The following SYPL2 variants were observed in gnomAD, a reference collection of about 807,000 sequenced individuals.
SYPL2 encodes synaptophysin-like protein 2.
In SYPL2, 24 loss-of-function variants were observed where a neutral mutation model predicts 31.3. The observed-to-expected ratio is 0.77, with a 90% CI of 0.56 to 1.08. The LOEUF is 1.08. SYPL2 is among the 50% of genes least tolerant of loss of function. The pLI is 0.00. For synonymous variants in SYPL2, 144 were observed against 143.1 expected (o/e 1.01, Z -0.05); for missense variants, 342 against 360.1 (o/e 0.95, Z 0.41).
chr1:109,470,522 T>G (rs993512808), intron 2 of SYPL2, among the ~76,000 whole-genome samples: 1 of 152,210 alleles, frequency 6.6e-6, no homozygotes, highest in Non-Finnish European at 1.5e-5. Context: ...TGACCGTCGC[T>G]GTCCCAGCAA....
Position 109,466,589 on chromosome 1 carries a change from T to G in SYPL2, c.-255T>G, listed in dbSNP as rs1655640408. On this transcript the variant is annotated 5_prime_UTR_variant, in exon 1 of 6. Transcript: ENST00000369872. The stretch of plus-strand genomic sequence containing the variant: ...GCTGCGAGTTTGACAGAAGTTTGAA[T>G]CCGAGTCGGGGGCTTTCTGCTGCCG... 2.5e-6 allele frequency: 1 copy of G among 400,400 alleles called. No individual in the cohort carries two copies. The highest frequency in any genetic ancestry group is 2.1e-5 in the African/African-American group (1 of 47,400). 24.8% of individuals were successfully genotyped at this position (400,400 alleles called of 1,614,324 possible).
intron 2 of SYPL2, among the ~76,000 whole-genome samples, chr1:109,473,914 G>A (rs1655912770): frequency 6.6e-6 from 1 of 150,512 alleles, no homozygotes; most frequent in South Asian, 2.1e-4. Context: ...AAAAAGATGA[G>A]GAAACAGACT....
intron 2 of SYPL2, among the ~76,000 whole-genome samples, chr1:109,469,827 CAAAAAAAAAAAAA>C (rs10533137): frequency 2.8e-4 from 22 of 79,190 alleles, no homozygotes; most frequent in African/African-American, 8.9e-4. Flanking sequence ...GACCTTGTCT[CAAAAAAAAAAAAA>C]AAAAAAAAAA....
rs371487864 is a variant in SYPL2, at chr1:109,476,866, C to T, written c.345C>T (p.Ala115=). 1.9e-5 allele frequency: 31 copies of T among 1,614,204 alleles called. No individual in the cohort carries two copies. In the African/African-American group the frequency reaches 2.7e-4, roughly 14 times the overall value. The change falls in exon 4 of 6, where the codon GCC becomes GCT. Residue 115 remains alanine, a synonymous_variant. Transcript: ENST00000369872. Reference sequence around the variant, plus strand: ...TCATGGGGGACTTCTCTGCACCCGCCGAGTTCTTCGTGACCCTTGGCATCT... The same window carrying T: ...TCATGGGGGACTTCTCTGCACCCGCTGAGTTCTTCGTGACCCTTGGCATCT... The part of the protein sequence containing the change: ...MHLMGDFSAP[A]EFFVTLGIFS...
chr1:109,466,677 C>T lies in SYPL2; in HGVS notation c.-167C>T, dbSNP rs757552348. 243 of 627,168 alleles carry T rather than the reference C, an allele frequency of 3.9e-4. No homozygotes were observed. Among genetic ancestry groups the T allele is most frequent in the Non-Finnish European group, 5.5e-4 (234 of 424,678 alleles). 38.9% of individuals were successfully genotyped at this position (627,168 alleles called of 1,614,324 possible). A position where few individuals can be genotyped will look rare whatever the true frequency, so the allele number is the denominator to read the frequency against. The stretch of plus-strand genomic sequence containing the variant: ...AACAGCAGCGCCCCCGCGTCCCAGC[C>T]AGCCAGCCAGCCAGACTGGACTCCG... On this transcript the variant is annotated 5_prime_UTR_variant, in exon 1 of 6. Coordinates refer to ENST00000369872, the MANE Select transcript of SYPL2 (RefSeq NM_001040709.2).
At chr1:109,467,990 C>T (rs1052364295) in intron 2 of SYPL2, among the ~76,000 whole-genome samples, 3 of 152,290 alleles carry the variant, frequency 2.0e-5, no homozygotes, top group African/African-American at 7.2e-5. Context: ...GTTAGACTTA[C>T]TTTGTGACCT....
In SYPL2 at chr1:109,466,812, A is replaced by ACGCCC; in HGVS notation, c.-31_-30insGCCCC. The ACGCCC allele has an allele frequency of 6.6e-7, 1 of 1,508,584 alleles. No individual in the cohort carries two copies. The highest frequency in any genetic ancestry group is 8.8e-7 in the Non-Finnish European group (1 of 1,136,250). The allele number at this position is 1,508,584 out of a possible 1,614,324, so 93.4% of individuals were successfully genotyped here. A position where few individuals can be genotyped will look rare whatever the true frequency, so the allele number is the denominator to read the frequency against. On this transcript the variant is annotated 5_prime_UTR_variant, in exon 1 of 6. Coordinates refer to ENST00000369872, the MANE Select transcript of SYPL2 (RefSeq NM_001040709.2). ...CGCCTCCCGGCCAGAGAGCCAAGCC[A>ACGCCC]CCACGCCGCGCCCAGCGCTCGCCGC...
Position 109,478,197 on chromosome 1 carries a change from G to A in SYPL2, c.648+188G>A, listed in dbSNP as rs773415290. ...TGACCCTGAGAGGACATTTTGGGAT[G>A]AGGGGAACCCAAAAGCCACTTAGCC... On this transcript the variant is annotated intron_variant, in intron 5 of 5. Coordinates refer to ENST00000369872, the MANE Select transcript of SYPL2 (RefSeq NM_001040709.2). The surrounding 1 kb of genome is among the most constrained non-coding windows in gnomAD (Gnocchi z 4.0). 7 of 1,338,064 alleles carry A rather than the reference G, an allele frequency of 5.2e-6. No individual in the cohort carries two copies. The highest frequency in any genetic ancestry group is 1.5e-5 in the African/African-American group (1 of 67,732). 82.9% of individuals were successfully genotyped at this position (1,338,064 alleles called of 1,614,324 possible). A position where few individuals can be genotyped will look rare whatever the true frequency, so the allele number is the denominator to read the frequency against.
chr1:109,474,303 T>TTTTTC (rs199978564), intron 2 of SYPL2, among the ~76,000 whole-genome samples: 17 of 143,782 alleles, frequency 1.2e-4, no homozygotes, highest in East Asian at 1.2e-3. Flanking sequence ...CTCCTTTTCT[T>TTTTTC]TTTTCTTTTC....
chr1:109,477,012 G>GA (rs1557861376), intron 4 of SYPL2, 35 bp downstream of exon 4: 9 of 1,611,946 alleles, frequency 5.6e-6, no homozygotes, highest in Non-Finnish European at 7.6e-6. Flanking sequence ...ATGGGGTGGA[G>GA]AAACAGATGT....
intron 2 of SYPL2, among the ~76,000 whole-genome samples, chr1:109,470,317 C>T (rs1341390686): frequency 3.9e-5 from 6 of 152,144 alleles, no homozygotes; most frequent in African/African-American, 7.2e-5. Flanking sequence ...ATGAGATAAG[C>T]GTGGGAGTAG....
intron 2 of SYPL2, 117 bp from the exon 3 acceptor site, chr1:109,475,464 T>C: frequency 1.5e-6 from 2 of 1,361,740 alleles, no homozygotes; most frequent in Non-Finnish European, 2.0e-6. Flanking sequence ...TTAAAGGGGA[T>C]CCTCACTCTC....
At position 109,478,535 on chromosome 1, in the gene SYPL2, A is replaced by G. The variant is rs1405138801; in HGVS notation, c.648+526A>G. Among the ~76,000 whole-genome samples, 2 of 152,214 alleles carry G rather than the reference A, an allele frequency of 1.3e-5. No individual in the cohort carries two copies. Among genetic ancestry groups the G allele is most frequent in the African/African-American group, 2.4e-5 (1 of 41,450 alleles). On this transcript the variant is annotated intron_variant, in intron 5 of 5. Transcript: ENST00000369872. The surrounding 1 kb of genome is among the most constrained non-coding windows in gnomAD (Gnocchi z 4.0). ...GAAATATGTCCATATCCATTGGTAAAGAGCTGAGGTCTTGAGCTTCTCAAA... is the reference window on the plus strand; with the variant it reads ...GAAATATGTCCATATCCATTGGTAAGGAGCTGAGGTCTTGAGCTTCTCAAA...
chr1:109,473,168 G>A (rs1338170284), intron 2 of SYPL2, among the ~76,000 whole-genome samples: 5 of 152,178 alleles, frequency 3.3e-5, no homozygotes, highest in Non-Finnish European at 5.9e-5. Flanking sequence ...AGGCCACTTT[G>A]AGTAAGTAAA....
intron 3 of SYPL2, among the ~76,000 whole-genome samples, chr1:109,476,302 A>G (rs1404800653): frequency 6.6e-6 from 1 of 152,206 alleles, no homozygotes; most frequent in Non-Finnish European, 1.5e-5. Flanking sequence ...TGTCTCATAT[A>G]TAATAGGCTG....
chr1:109,475,576 C>G lies in SYPL2; in HGVS notation c.130-5C>G, dbSNP rs1359460091. On this transcript the variant is annotated splice_region_variant and splice_polypyrimidine_tract_variant and intron_variant, in intron 2 of 5. Coordinates refer to ENST00000369872, the MANE Select transcript of SYPL2 (RefSeq NM_001040709.2). ...GACTCTCAAAGAGGCTTCACTCTCT[C>G]TCAGCTCTTTGCTATTTTCGCCTTC... The G allele has an allele frequency of 6.2e-7, 1 of 1,613,916 alleles. No individual in the cohort carries two copies. Among genetic ancestry groups the G allele is most frequent in the Non-Finnish European group, 8.5e-7 (1 of 1,179,818 alleles).
chr1:109,478,955 C>G lies in SYPL2; in HGVS notation c.649-423C>G, dbSNP rs1416852831. Among the ~76,000 whole-genome samples the G allele has an allele frequency of 6.6e-6, 1 of 152,236 alleles. No homozygotes were observed. The highest frequency in any genetic ancestry group is 1.5e-5 in the Non-Finnish European group (1 of 68,038). On this transcript the variant is annotated intron_variant, in intron 5 of 5. Coordinates refer to ENST00000369872, the MANE Select transcript of SYPL2 (RefSeq NM_001040709.2). This position sits in a 1 kb window ranked among gnomAD's most constrained non-coding sequence, Gnocchi z 4.0. Reference sequence around the variant, plus strand: ...ATGTTGAATAACTATTTGAACATAGCCCTGGCTAGGTGCCTGATCACAGGG... The same window carrying G: ...ATGTTGAATAACTATTTGAACATAGGCCTGGCTAGGTGCCTGATCACAGGG...
In SYPL2 at chr1:109,467,092, C is replaced by A. The variant is rs1374749698; in HGVS notation, c.88C>A (p.Arg30=). Residue 30 remains arginine (R), a synonymous_variant, in exon 2 of 6, where the codon CGG becomes AGG. Transcript: ENST00000369872. The part of the protein sequence containing the change: ...DRLLVGLRWR[R]LEEPLGFIKV... ...CCTACTCGTGGGGCTGCGCTGGCGG[C>A]GGCTGGAGGAGCCGCTGGGCTTCAT... 21 of 1,544,966 alleles carry A rather than the reference C, an allele frequency of 1.4e-5. No individual in the cohort carries two copies. Among genetic ancestry groups the A allele is most frequent in the Non-Finnish European group, 1.7e-5 (20 of 1,145,998 alleles).
chr1:109,476,679 G>A, intron 3 of SYPL2, 97 bp from the exon 4 acceptor site: 1 of 1,302,196 alleles, frequency 7.7e-7, no homozygotes, highest in South Asian at 1.3e-5. Flanking sequence ...TCTTGGCTCT[G>A]TAAGAGTCCC....
Sources: allele counts gnomAD v4.1 joint callset (sites outside exome capture counted in the v4.1 genomes callset), GRCh38; gene constraint gnomAD v4.1.1; non-coding constraint Gnocchi (gnomAD v3.1); transcripts MANE v1.5; gene names NCBI Gene and HGNC (gene_info 2026-07-23, HGNC 2026-07-21).